The following ARHGEF12 variants were observed in gnomAD, a reference collection of about 807,000 sequenced individuals.
ARHGEF12 encodes the protein Rho guanine nucleotide exchange factor 12.
ARHGEF12 carries 66 observed loss-of-function variants against 211.2 expected under a neutral mutation model. That is an observed-to-expected ratio of 0.31 (90% CI 0.26 to 0.38). The LOEUF is 0.38. Among genes scored for constraint, ARHGEF12 ranks in the 10% least tolerant of loss-of-function variants. ARHGEF12 has a pLI of 1.00. For missense variants in ARHGEF12, 1,429 were observed against 1,869.5 expected, an observed-to-expected ratio of 0.76 and a Z score of 4.34; for synonymous variants, 592 against 638.4, an observed-to-expected ratio of 0.93 and a Z score of 1.09.
chr11:120,419,229 C>T lies in ARHGEF12; in HGVS notation c.200-1524C>T, dbSNP rs147767927. Among the ~76,000 whole-genome samples, 848 of 150,322 alleles carry T rather than the reference C, an allele frequency of 5.6e-3. 2 individuals carry two copies. Among genetic ancestry groups the T allele is most frequent in the Non-Finnish European group, 7.9e-3 (534 of 67,910 alleles). On this transcript the variant is annotated intron_variant, in intron 4 of 40. Transcript: ENST00000397843. Reference sequence around the variant, plus strand: ...CCCTTCTCGGCCTCCCAAAGTGCTGCGATTACAGGCCCGGCCTGCCTTTTC... The same window carrying T: ...CCCTTCTCGGCCTCCCAAAGTGCTGTGATTACAGGCCCGGCCTGCCTTTTC...
chr11:120,345,999 C>T (rs924224647), intron 1 of ARHGEF12, among the ~76,000 whole-genome samples: 2 of 151,994 alleles, frequency 1.3e-5, no homozygotes, highest in East Asian at 1.9e-4. Flanking sequence ...TCAGGTTAAA[C>T]GCACACACGC....
At chr11:120,369,595 A>G (rs1425276398) in intron 1 of ARHGEF12, among the ~76,000 whole-genome samples, 1 of 152,224 alleles carries the variant, frequency 6.6e-6, no homozygotes, top group Non-Finnish European at 1.5e-5. Context: ...AATCGGAGTA[A>G]TGCAGTTTCA....
Position 120,429,830 on chromosome 11 carries a change from A to G in ARHGEF12, c.782A>G (p.Gln261Arg), listed in dbSNP as rs375339547. 1 of 1,609,324 alleles carries G rather than the reference A, an allele frequency of 6.2e-7. No individual in the cohort carries two copies. The highest frequency in any genetic ancestry group is 8.5e-7 in the Non-Finnish European group (1 of 1,178,744). Reference protein sequence around the residue: ...EQLSKATGSAQDGAVVTPSRP... With the variant: ...EQLSKATGSARDGAVVTPSRP... Reference sequence around the variant, plus strand: ...TTATCCAAAGCCACAGGCTCTGCTCAGGTAGCATCACTATTACAAGTGCTA... The same window carrying G: ...TTATCCAAAGCCACAGGCTCTGCTCGGGTAGCATCACTATTACAAGTGCTA... Residue 261 changes from glutamine to arginine, a missense_variant and splice_region_variant, in exon 10 of 41, where the codon CAG (glutamine) becomes CGG (arginine). Physicochemically the swap from Gln to Arg is conservative, Grantham distance 43. Transcript: ENST00000397843.
chr11:120,457,447 A>G, intron 23 of ARHGEF12, 197 bp downstream of exon 23: 1 of 507,418 alleles, frequency 2.0e-6, no homozygotes, highest in Middle Eastern at 5.3e-4. Context: ...TGGGCAACGT[A>G]GTGAGCCCCC....
intron 1 of ARHGEF12, among the ~76,000 whole-genome samples, chr11:120,344,322 A>G (rs1942637258): frequency 6.6e-6 from 1 of 151,710 alleles, no homozygotes; most frequent in South Asian, 2.1e-4. Context: ...CTCTGAAGGA[A>G]TGATACCTGA....
At chr11:120,356,449 C>T (rs1207872571) in intron 1 of ARHGEF12, among the ~76,000 whole-genome samples, 1 of 152,166 alleles carries the variant, frequency 6.6e-6, no homozygotes, top group Non-Finnish European at 1.5e-5. Flanking sequence ...AACTCTTGGC[C>T]TCAAGTGATC....
chr11:120,420,416 A>AT (rs967009624), intron 4 of ARHGEF12, among the ~76,000 whole-genome samples: 2 of 152,104 alleles, frequency 1.3e-5, no homozygotes, highest in African/African-American at 4.8e-5. Context: ...CAGGGGGAGA[A>AT]TTTTTTTACT....
At chr11:120,419,862 G>C (rs1945132639) in intron 4 of ARHGEF12, among the ~76,000 whole-genome samples, 1 of 152,038 alleles carries the variant, frequency 6.6e-6, no homozygotes, top group Admixed American at 6.6e-5. Flanking sequence ...GAAATGCTTA[G>C]ATCCTGCAAA....
chr11:120,445,925 G>T (rs903670954), intron 16 of ARHGEF12, among the ~76,000 whole-genome samples: 1 of 151,488 alleles, frequency 6.6e-6, no homozygotes, highest in Admixed American at 6.6e-5. Context: ...ATGGCTGGGC[G>T]CAGTGGCTCA....
chr11:120,405,778 T>C (rs1944685220), intron 1 of ARHGEF12, among the ~76,000 whole-genome samples: 2 of 152,202 alleles, frequency 1.3e-5, no homozygotes, highest in Non-Finnish European at 2.9e-5. Flanking sequence ...TTTCTTTTTT[T>C]CAAGATTAAA....
At chr11:120,398,398 G>T (rs1189553129) in intron 1 of ARHGEF12, among the ~76,000 whole-genome samples, 1 of 152,120 alleles carries the variant, frequency 6.6e-6, no homozygotes, top group Non-Finnish European at 1.5e-5. Context: ...ACTGATAAGG[G>T]TATATCCCAC....
At chr11:120,396,651 C>G (rs1944399500) in intron 1 of ARHGEF12, among the ~76,000 whole-genome samples, 1 of 152,114 alleles carries the variant, frequency 6.6e-6, no homozygotes, top group African/African-American at 2.4e-5. Flanking sequence ...ATATCACACT[C>G]TATATAAAAA....
chr11:120,395,056 C>CAAAAAAAAAA (rs758953056), intron 1 of ARHGEF12, among the ~76,000 whole-genome samples: 1 of 34,588 alleles, frequency 2.9e-5, no homozygotes. Context: ...GACTCTATCT[C>CAAAAAAAAAA]AAAAAAAAAA....
At chr11:120,420,917 T>C (rs1945165842) in intron 5 of ARHGEF12, 66 bp downstream of exon 5, 2 of 1,351,848 alleles carry the variant, frequency 1.5e-6, no homozygotes, top group South Asian at 2.5e-5. Context: ...GCTTAAATAA[T>C]GGCAATTGCC....
intron 29 of ARHGEF12, 125 bp downstream of exon 29, chr11:120,467,433 CTTTTTT>C: frequency 3.0e-5 from 9 of 302,406 alleles, no homozygotes; most frequent in Admixed American, 1.2e-4. Flanking sequence ...ACAAGATTTT[CTTTTTT>C]TTTTTTTTTT....
chr11:120,367,888 C>T (rs1943473111), intron 1 of ARHGEF12, among the ~76,000 whole-genome samples: 2 of 151,656 alleles, frequency 1.3e-5, no homozygotes, highest in Admixed American at 6.6e-5. Context: ...GGGAGGATTG[C>T]TTGAGCCTGG....
chr11:120,346,790 TA>T (rs1942741617), intron 1 of ARHGEF12, among the ~76,000 whole-genome samples: 1 of 152,198 alleles, frequency 6.6e-6, no homozygotes, highest in Non-Finnish European at 1.5e-5. Context: ...CTCCAGCAGT[TA>T]ATGTACGGAC....
At chr11:120,351,933 T>A (rs573621449) in intron 1 of ARHGEF12, among the ~76,000 whole-genome samples, 1 of 152,302 alleles carries the variant, frequency 6.6e-6, no homozygotes, top group South Asian at 2.1e-4. Flanking sequence ...CAAGCTGACA[T>A]AGTTTCTAAA....
intron 22 of ARHGEF12, among the ~76,000 whole-genome samples, 184 bp downstream of exon 22, chr11:120,451,908 A>G (rs967306220): frequency 3.9e-5 from 6 of 152,228 alleles, no homozygotes; most frequent in Admixed American, 2.0e-4. Context: ...CATTTGTCCA[A>G]AAAAATATTT....
Sources: gnomAD v4.1 joint callset for allele counts (sites outside exome capture counted in the v4.1 genomes callset) on GRCh38, gnomAD v4.1.1 for gene constraint, MANE v1.5 for transcripts, NCBI Gene and HGNC (gene_info 2026-07-23, HGNC 2026-07-21) for gene names.